Variants in CTNNA3 observed in about 807,000 individuals in gnomAD.
CTNNA3 encodes catenin alpha-3.
Under a neutral mutation model 95.7 loss-of-function variants are expected in CTNNA3, and 76 were observed. That is an observed-to-expected ratio of 0.79 (90% CI 0.66 to 0.96). The LOEUF is 0.96. Ranked by LOEUF, CTNNA3 falls within the 40% of genes least tolerant of loss-of-function variation. The pLI is 0.00. For missense variants in CTNNA3, 1,191 were observed against 1,089.8 expected (o/e 1.09, Z -1.31); for synonymous variants, 431 against 374.4 (o/e 1.15, Z -1.74).
chr10:66,534,067 C>T (rs1468789693), intron 10 of CTNNA3, among the ~76,000 whole-genome samples: 1 of 152,096 alleles, frequency 6.6e-6, no homozygotes, highest in Non-Finnish European at 1.5e-5. Flanking sequence ...AGTGAATCAC[C>T]AGGCTTTCCT....
At chr10:66,400,406 C>T (rs1020730840) in intron 11 of CTNNA3, among the ~76,000 whole-genome samples, 2 of 151,848 alleles carry the variant, frequency 1.3e-5, no homozygotes, top group South Asian at 2.1e-4. Context: ...CTTTGAAGAG[C>T]ATATATTATA....
intron 1 of CTNNA3, among the ~76,000 whole-genome samples, chr10:67,734,040 T>C (rs1052165824): frequency 6.6e-6 from 1 of 152,190 alleles, no homozygotes; most frequent in Admixed American, 6.5e-5. Flanking sequence ...TAAATTTATA[T>C]CTAGCCTAAA....
intron 5 of CTNNA3, among the ~76,000 whole-genome samples, chr10:67,274,502 G>A (rs969109302): frequency 6.6e-6 from 1 of 152,100 alleles, no homozygotes; most frequent in African/African-American, 2.4e-5. Context: ...ATCGCCATGA[G>A]AGATTATACC....
chr10:66,949,780 C>T (rs1848443924), intron 7 of CTNNA3, among the ~76,000 whole-genome samples: 1 of 152,096 alleles, frequency 6.6e-6, no homozygotes, highest in Non-Finnish European at 1.5e-5. Flanking sequence ...TTTCACAGGG[C>T]TTGTGTTCCC....
intron 7 of CTNNA3, among the ~76,000 whole-genome samples, chr10:67,130,647 A>C (rs1193687683): frequency 1.3e-5 from 2 of 152,112 alleles, no homozygotes; most frequent in African/African-American, 2.4e-5. Context: ...TGTGTAGCTT[A>C]TGTTGGAAGC....
intron 15 of CTNNA3, among the ~76,000 whole-genome samples, chr10:66,030,662 C>G (rs2079432169): frequency 6.6e-6 from 1 of 152,130 alleles, no homozygotes; most frequent in African/African-American, 2.4e-5. Flanking sequence ...TAATTTATGA[C>G]TAAGTCCTCA....
chr10:66,211,315 T>C (rs777890425), intron 13 of CTNNA3, among the ~76,000 whole-genome samples: 10 of 152,184 alleles, frequency 6.6e-5, no homozygotes, highest in Non-Finnish European at 1.5e-4. Flanking sequence ...CTTCAACCTT[T>C]GTCACACAAA....
At chr10:66,304,113 G>A (rs905789430) in intron 12 of CTNNA3, among the ~76,000 whole-genome samples, 4 of 152,026 alleles carry the variant, frequency 2.6e-5, no homozygotes. Flanking sequence ...TCAAAGAAGT[G>A]AAATAAAGAG....
At chr10:66,803,047 T>C (rs1165722486) in intron 7 of CTNNA3, among the ~76,000 whole-genome samples, 2 of 151,978 alleles carry the variant, frequency 1.3e-5, no homozygotes, top group East Asian at 1.9e-4. Flanking sequence ...GTTACACCCA[T>C]GTACATATTT....
intron 5 of CTNNA3, among the ~76,000 whole-genome samples, chr10:67,489,170 C>A (rs570436175): frequency 1.3e-5 from 2 of 152,270 alleles, no homozygotes; most frequent in East Asian, 3.9e-4. Flanking sequence ...GTTAATGTAT[C>A]TTTTACAGAT....
intron 1 of CTNNA3, among the ~76,000 whole-genome samples, chr10:67,682,475 T>C (rs1840646253): frequency 6.6e-6 from 1 of 152,196 alleles, no homozygotes; most frequent in Non-Finnish European, 1.5e-5. Flanking sequence ...AAACAAGATA[T>C]TATTTTCACC....
At chr10:66,749,312 G>A (rs1326797925) in intron 9 of CTNNA3, among the ~76,000 whole-genome samples, 1 of 150,648 alleles carries the variant, frequency 6.6e-6, no homozygotes, top group Admixed American at 6.6e-5. Flanking sequence ...ATCCACCGTT[G>A]CAGTATCCTA....
chr10:66,815,011 C>T (rs1842021244), intron 7 of CTNNA3, among the ~76,000 whole-genome samples: 1 of 151,820 alleles, frequency 6.6e-6, no homozygotes, highest in Non-Finnish European at 1.5e-5. Context: ...GCCACCACGC[C>T]TGGCTAATTT....
intron 7 of CTNNA3, among the ~76,000 whole-genome samples, chr10:66,802,136 T>C (rs947017563): frequency 2.0e-5 from 3 of 151,906 alleles, no homozygotes; most frequent in Non-Finnish European, 2.9e-5. Context: ...AAAGAGCTTC[T>C]TGAAGAAAAC....
chr10:67,239,543 A>T (rs1461427949), intron 5 of CTNNA3, among the ~76,000 whole-genome samples: 2 of 152,076 alleles, frequency 1.3e-5, no homozygotes. Flanking sequence ...GTAATTTTCT[A>T]TTTCTTGTCC....
chr10:67,637,342 C>T (rs1839354179), intron 2 of CTNNA3, among the ~76,000 whole-genome samples: 1 of 152,164 alleles, frequency 6.6e-6, no homozygotes, highest in African/African-American at 2.4e-5. Context: ...TGAACAAAGC[C>T]TCCAAGAAAT....
At chr10:66,580,447 AT>A (rs1180845003) in intron 10 of CTNNA3, among the ~76,000 whole-genome samples, 4 of 151,776 alleles carry the variant, frequency 2.6e-5, no homozygotes, top group African/African-American at 9.7e-5. Context: ...TCTTCAACCA[AT>A]TTTGAAATAG....
chr10:66,740,167 G>C (rs577861507), intron 9 of CTNNA3, among the ~76,000 whole-genome samples: 1 of 152,228 alleles, frequency 6.6e-6, no homozygotes, highest in African/African-American at 2.4e-5. Flanking sequence ...TTTTAGTCCT[G>C]TTAATATCTT....
At chr10:66,880,310 G>T (rs1246092493) in intron 7 of CTNNA3, among the ~76,000 whole-genome samples, 2 of 152,000 alleles carry the variant, frequency 1.3e-5, no homozygotes, top group Admixed American at 1.3e-4. Flanking sequence ...ATGTCATAGG[G>T]AACTAAAAGC....
Sources: allele counts gnomAD v4.1 joint callset (sites outside exome capture counted in the v4.1 genomes callset), GRCh38; gene constraint gnomAD v4.1.1; transcripts MANE v1.5; gene names NCBI Gene and HGNC (gene_info 2026-07-23, HGNC 2026-07-21).